DPF3: variants seen among roughly 807,000 people sequenced by gnomAD.
DPF3 encodes double PHD fingers 3.
A neutral mutation model predicts 56.8 loss-of-function variants in DPF3; 18 were observed. The ratio of observed to expected loss-of-function variants is 0.32; its 90% CI spans 0.22 to 0.47. The LOEUF (loss-of-function observed/expected upper bound fraction) is 0.47, where lower values mean the gene tolerates loss of function less well. DPF3 is among the 20% of genes least tolerant of loss of function. The pLI, the probability that DPF3 is intolerant of heterozygous loss-of-function variation, is 1.00. For missense variants in DPF3, 403 were observed against 488.8 expected (o/e 0.82, Z 1.65); for synonymous variants, 188 against 180.2 (o/e 1.04, Z -0.35).
intron 8 of DPF3, among the ~76,000 whole-genome samples, chr14:72,665,511 T>C (rs1479604792): frequency 1.3e-5 from 2 of 152,216 alleles, no homozygotes; most frequent in Admixed American, 1.3e-4. Flanking sequence ...GGATACAACA[T>C]CATTTCTAAG....
At chr14:72,654,428 T>C (rs1258080349) in intron 8 of DPF3, among the ~76,000 whole-genome samples, 2 of 152,178 alleles carry the variant, frequency 1.3e-5, no homozygotes, top group Non-Finnish European at 2.9e-5. Flanking sequence ...TTGCACCAAG[T>C]TGGCACTTAA....
At chr14:72,654,333 C>T (rs146567421) in intron 8 of DPF3, among the ~76,000 whole-genome samples, 1 of 152,258 alleles carries the variant, frequency 6.6e-6, no homozygotes, top group African/African-American at 2.4e-5. Context: ...TATTTGTCTA[C>T]CCCAACTCTA....
chr14:72,724,699 G>C (rs547210031), intron 4 of DPF3, among the ~76,000 whole-genome samples: 2 of 131,866 alleles, frequency 1.5e-5, no homozygotes, highest in Admixed American at 1.6e-4. Context: ...GGGCCCAGAG[G>C]GGTTTTTGTT....
At chr14:72,771,304 T>C (rs1294323651) in intron 2 of DPF3, among the ~76,000 whole-genome samples, 1 of 152,224 alleles carries the variant, frequency 6.6e-6, no homozygotes, top group Non-Finnish European at 1.5e-5. Flanking sequence ...TAAGTACTAT[T>C]ATTATTCACA....
At position 72,839,848 on chromosome 14, in the gene DPF3, G is replaced by A. The variant is rs1039401862; in HGVS notation, c.32+54209C>T. Reference sequence around the variant, plus strand: ...ACACCTGTGAGAGAGGGCCCCACGGGAATCTCAGCTTGGATCAAAGCAGGC... The same window carrying A: ...ACACCTGTGAGAGAGGGCCCCACGGAAATCTCAGCTTGGATCAAAGCAGGC... On this transcript the variant is annotated intron_variant, in intron 1 of 10. Coordinates refer to ENST00000556509, the MANE Select transcript of DPF3 (RefSeq NM_001280542.3). 3.3e-5 allele frequency among the ~76,000 whole-genome samples: 5 copies of A among 152,180 alleles called. No homozygotes were observed. The South Asian group carries it at 6.2e-4, about 19-fold the overall frequency.
chr14:72,774,949 C>T (rs1335671133), intron 1 of DPF3, among the ~76,000 whole-genome samples: 4 of 152,150 alleles, frequency 2.6e-5, no homozygotes, highest in Non-Finnish European at 4.4e-5. Context: ...TCTGCTATGG[C>T]GATGTAGCTC....
intron 1 of DPF3, among the ~76,000 whole-genome samples, chr14:72,775,114 A>G (rs988459185): frequency 6.6e-6 from 1 of 152,076 alleles, no homozygotes; most frequent in Non-Finnish European, 1.5e-5. Flanking sequence ...GAGGTGTCCA[A>G]CGTGAGAGCA....
At chr14:72,863,774 A>G (rs1341279246) in intron 1 of DPF3, among the ~76,000 whole-genome samples, 1 of 152,196 alleles carries the variant, frequency 6.6e-6, no homozygotes, top group East Asian at 1.9e-4. Flanking sequence ...GCTAGCATAG[A>G]CACAGCCCAC....
At chr14:72,889,321 T>C (rs1391645250) in intron 1 of DPF3, among the ~76,000 whole-genome samples, 1 of 152,186 alleles carries the variant, frequency 6.6e-6, no homozygotes, top group East Asian at 1.9e-4. Flanking sequence ...AAAGCAGACA[T>C]TTACCCATTG....
chr14:72,728,263 G>C (rs1488197186), intron 4 of DPF3, among the ~76,000 whole-genome samples: 1 of 152,176 alleles, frequency 6.6e-6, no homozygotes, highest in African/African-American at 2.4e-5. Context: ...AAACACCAAA[G>C]GCAAGAAGAG....
At position 72,670,018 on chromosome 14, in the gene DPF3, C is replaced by A. The variant is rs895077048; in HGVS notation, c.871+4222G>T. The stretch of plus-strand genomic sequence containing the variant: ...CAGTGAGGTGGGTGGCCTTCTCCAT[C>A]GCCCCAGGGGCCTTGAGCAGTGTTG... On this transcript the variant is annotated intron_variant, in intron 8 of 10. Transcript: ENST00000556509. 5.1e-6 allele frequency: 5 copies of A among 985,798 alleles called. No homozygotes were observed. The African/African-American group carries it at 8.7e-5, about 17-fold the overall frequency. The allele number at this position is 985,798 out of a possible 1,614,324, so 61.1% of individuals were successfully genotyped here.
In DPF3 at chr14:72,826,751, A is replaced by T. The variant is rs1395312935; in HGVS notation, c.33-54858T>A. 6.6e-5 allele frequency among the ~76,000 whole-genome samples: 10 copies of T among 152,188 alleles called. No individual in the cohort carries two copies. In the East Asian group the frequency reaches 1.9e-3, roughly 29 times the overall value. On this transcript the variant is annotated intron_variant, in intron 1 of 10. Coordinates refer to ENST00000556509, the MANE Select transcript of DPF3 (RefSeq NM_001280542.3). ...GGGGGTGGTACTGGGAACAAGACAC[A>T]TTCACAGATGGCCGGGCGCGGTGGC...
At chr14:72,864,106 A>G (rs1885564918) in intron 1 of DPF3, among the ~76,000 whole-genome samples, 1 of 152,092 alleles carries the variant, frequency 6.6e-6, no homozygotes, top group Non-Finnish European at 1.5e-5. Context: ...GTCCCTCCAG[A>G]GAGAATTGAT....
intron 1 of DPF3, among the ~76,000 whole-genome samples, chr14:72,782,701 C>T (rs112686005): frequency 0.12 from 18,315 of 152,050 alleles, 1,333 homozygotes; most frequent in South Asian, 0.21. Context: ...GGTGTAATGG[C>T]GGACACCTGC....
chr14:72,760,761 A>G (rs941103510), intron 2 of DPF3, among the ~76,000 whole-genome samples: 1 of 152,194 alleles, frequency 6.6e-6, no homozygotes. Flanking sequence ...TAAATTGCCT[A>G]AATACCCCTA....
intron 1 of DPF3, among the ~76,000 whole-genome samples, chr14:72,816,709 G>A (rs969232074): frequency 6.6e-6 from 1 of 151,710 alleles, no homozygotes; most frequent in Non-Finnish European, 1.5e-5. Context: ...AAATTATAAG[G>A]AACTGTTCTG....
At chr14:72,714,554 T>C (rs2153575746) in intron 5 of DPF3, 53 bp from the exon 6 acceptor site, 1 of 1,598,826 alleles carries the variant, frequency 6.3e-7, no homozygotes, top group African/African-American at 1.3e-5. Flanking sequence ...TCACTACAGC[T>C]CCGGAGCATG....
At chr14:72,621,578 CAG>C (rs1001930893) in intron 9 of DPF3, among the ~76,000 whole-genome samples, 2 of 152,030 alleles carry the variant, frequency 1.3e-5, no homozygotes, top group Non-Finnish European at 2.9e-5. Flanking sequence ...GAGTTATCAA[CAG>C]GGGAGTGATA....
intron 8 of DPF3, among the ~76,000 whole-genome samples, chr14:72,654,237 C>T (rs1886003623): frequency 6.6e-6 from 1 of 152,108 alleles, no homozygotes; most frequent in Non-Finnish European, 1.5e-5. Flanking sequence ...CTCATCTCTG[C>T]TCGGGCTCCA....
Sources: gnomAD v4.1 joint callset for allele counts (sites outside exome capture counted in the v4.1 genomes callset) on GRCh38, gnomAD v4.1.1 for gene constraint, MANE v1.5 for transcripts, NCBI Gene and HGNC (gene_info 2026-07-23, HGNC 2026-07-21) for gene names.